The following GRM7 variants were observed in gnomAD, a reference collection of about 807,000 sequenced individuals.
The protein encoded by GRM7 is metabotropic glutamate receptor 7.
Under a neutral mutation model 84.5 loss-of-function variants are expected in GRM7, and 35 were observed. The observed-to-expected ratio is 0.41, with a 90% CI of 0.32 to 0.55. The LOEUF (loss-of-function observed/expected upper bound fraction) is 0.55, where lower values mean the gene tolerates loss of function less well. Among genes scored for constraint, GRM7 ranks in the 20% least tolerant of loss-of-function variants. The pLI is 0.19. For synonymous variants in GRM7, 487 were observed against 455.1 expected (o/e 1.07, Z -0.89); for missense variants, 1,003 against 1,194.6 (o/e 0.84, Z 2.36).
intron 7 of GRM7, among the ~76,000 whole-genome samples, chr3:7,540,380 A>G (rs564282952): frequency 2.4e-4 from 37 of 152,238 alleles, no homozygotes; most frequent in Non-Finnish European, 4.0e-4. Context: ...TATTCATTCA[A>G]TGAAATACTT....
chr3:7,205,186 G>T (rs935076157), intron 2 of GRM7, among the ~76,000 whole-genome samples: 1 of 152,166 alleles, frequency 6.6e-6, no homozygotes, highest in African/African-American at 2.4e-5. Context: ...GTCTGTAGAA[G>T]TTAACAGCAA....
In GRM7 at chr3:7,133,044, T is replaced by A. The variant is rs192301909; in HGVS notation, c.520-13408T>A. Among the ~76,000 whole-genome samples the A allele has an allele frequency of 3.8e-4, 58 of 152,256 alleles. 1 individual carries two copies. The Middle Eastern group carries it at 0.01, about 27-fold the overall frequency. On this transcript the variant is annotated intron_variant, in intron 1 of 9. Coordinates refer to ENST00000357716, the MANE Select transcript of GRM7 (RefSeq NM_000844.4). Reference sequence around the variant, plus strand: ...TTCATTCTGTCCTGGAAAAGTATCTTTTCACTTTAAGAAGTTCCTGGCTGT... The same window carrying A: ...TTCATTCTGTCCTGGAAAAGTATCTATTCACTTTAAGAAGTTCCTGGCTGT...
At chr3:7,072,682 G>C (rs929777465) in intron 1 of GRM7, among the ~76,000 whole-genome samples, 1 of 151,870 alleles carries the variant, frequency 6.6e-6, no homozygotes, top group Non-Finnish European at 1.5e-5. Context: ...CTGAGACCCT[G>C]TCTCAAAAAA....
intron 1 of GRM7, among the ~76,000 whole-genome samples, chr3:6,922,310 C>T (rs774282235): frequency 1.8e-4 from 27 of 152,194 alleles, no homozygotes; most frequent in Non-Finnish European, 3.4e-4. Flanking sequence ...TCTTATTTTT[C>T]CATTACCGAA....
chr3:7,104,663 A>G (rs1208625697), intron 1 of GRM7, among the ~76,000 whole-genome samples: 1 of 151,744 alleles, frequency 6.6e-6, no homozygotes, highest in Non-Finnish European at 1.5e-5. Flanking sequence ...CAAACATCTC[A>G]TATTGTTAGC....
At chr3:7,730,002 G>C (rs984742787) in intron 9 of GRM7, among the ~76,000 whole-genome samples, 2 of 149,184 alleles carry the variant, frequency 1.3e-5, no homozygotes, top group African/African-American at 2.5e-5. Context: ...AGTCTCCCAA[G>C]TAGCTGGGAT....
intron 8 of GRM7, among the ~76,000 whole-genome samples, chr3:7,651,037 G>T (rs1264252684): frequency 1.8e-5 from 2 of 112,402 alleles, no homozygotes; most frequent in East Asian, 2.0e-4. Flanking sequence ...GGGAAAGAAG[G>T]CAGCCTCTTT....
Position 7,604,135 on chromosome 3 carries a change from TAA to T in GRM7, c.2451+24791_2451+24792del, listed in dbSNP as rs34089815. Among the ~76,000 whole-genome samples, 901 of 146,408 alleles carry T rather than the reference TAA, an allele frequency of 6.2e-3. 7 individuals carry two copies. The highest frequency in any genetic ancestry group is 0.018 in the African/African-American group (735 of 39,860). On this transcript the variant is annotated intron_variant, in intron 8 of 9. Transcript: ENST00000357716. Reference sequence around the variant, plus strand: ...TAGATAACTTAGAAGGGTTTGTTCTTAAAAAAAAAAAAAAGCATAACTTTCCA... The same window carrying T: ...TAGATAACTTAGAAGGGTTTGTTCTTAAAAAAAAAAAAGCATAACTTTCCA...
At position 6,926,371 on chromosome 3, in the gene GRM7, TA is replaced by T. The variant is rs375278586; in HGVS notation, c.519+64466del. Among the ~76,000 whole-genome samples the T allele has an allele frequency of 2.0e-4, 31 of 152,358 alleles. 1 individual carries two copies. Among genetic ancestry groups the T allele is most frequent in the Middle Eastern group, 3.4e-3 (1 of 294 alleles). ...TTACCTAAATAGAAATATAGTGTTT[TA>T]ATCTTATGTTTTAAGACTGATTATA... On this transcript the variant is annotated intron_variant, in intron 1 of 9. Coordinates refer to ENST00000357716, the MANE Select transcript of GRM7 (RefSeq NM_000844.4).
chr3:7,288,378 G>T (rs552359938), intron 2 of GRM7, among the ~76,000 whole-genome samples: 1 of 152,202 alleles, frequency 6.6e-6, no homozygotes, highest in Admixed American at 6.5e-5. Context: ...GGAATGTGAT[G>T]CAGGAAAGAG....
chr3:6,888,675 A>G (rs1695805167), intron 1 of GRM7, among the ~76,000 whole-genome samples: 1 of 152,232 alleles, frequency 6.6e-6, no homozygotes, highest in East Asian at 1.9e-4. Flanking sequence ...TGATGCCTCC[A>G]GCTTTGTTCT....
chr3:6,968,293 A>C (rs1186056084), intron 1 of GRM7, among the ~76,000 whole-genome samples: 1 of 152,040 alleles, frequency 6.6e-6, no homozygotes, highest in Non-Finnish European at 1.5e-5. Context: ...TCTGTGTCGA[A>C]ATTTCTTCTT....
chr3:7,480,311 A>G (rs1699080242), intron 7 of GRM7, among the ~76,000 whole-genome samples: 1 of 152,212 alleles, frequency 6.6e-6, no homozygotes, highest in South Asian at 2.1e-4. Context: ...GCAGATTTAG[A>G]GCAATGTCTT....
chr3:7,693,454 G>T (rs1049049791), intron 9 of GRM7, among the ~76,000 whole-genome samples: 2 of 151,924 alleles, frequency 1.3e-5, no homozygotes, highest in African/African-American at 4.8e-5. Flanking sequence ...TTATCAGTCT[G>T]AGCTGAAAAT....
intron 1 of GRM7, among the ~76,000 whole-genome samples, chr3:7,017,009 C>T (rs1328745125): frequency 6.6e-6 from 1 of 152,194 alleles, no homozygotes; most frequent in Admixed American, 6.5e-5. Context: ...CACTCCAGGC[C>T]TCTTGAAGCA....
chr3:7,252,684 T>TTCTTTTCTTTTTTTCTTTTTTTTTTTTC (rs6147696), intron 2 of GRM7, among the ~76,000 whole-genome samples: 1 of 118,234 alleles, frequency 8.5e-6, no homozygotes, highest in Non-Finnish European at 1.7e-5. Flanking sequence ...TTCTTTTCTT[T>TTCTTTTCTTTTTTTCTTTTTTTTTTTTC]TTTTCTTTTC....
chr3:7,205,490 C>A lies in GRM7; in HGVS notation c.736+58822C>A, dbSNP rs1575029370. Among the ~76,000 whole-genome samples the A allele has an allele frequency of 3.9e-5, 6 of 152,202 alleles. No individual in the cohort carries two copies. The South Asian group carries it at 1.2e-3, about 31-fold the overall frequency. On this transcript the variant is annotated intron_variant, in intron 2 of 9. Transcript: ENST00000357716. ...AGCACATAATTCATTCAGAACCATACACCAAGTGTGATTATTAGGCTGTGC... is the reference window on the plus strand; with the variant it reads ...AGCACATAATTCATTCAGAACCATAAACCAAGTGTGATTATTAGGCTGTGC...
At chr3:7,468,632 A>G (rs1266025040) in intron 7 of GRM7, among the ~76,000 whole-genome samples, 5 of 152,162 alleles carry the variant, frequency 3.3e-5, no homozygotes, top group African/African-American at 9.7e-5. Context: ...CCCAAATCTC[A>G]TCTTAAATTA....
intron 8 of GRM7, among the ~76,000 whole-genome samples, chr3:7,599,474 A>C (rs1696210802): frequency 6.6e-6 from 1 of 152,096 alleles, no homozygotes; most frequent in Non-Finnish European, 1.5e-5. Flanking sequence ...TCCTCAAAAC[A>C]TTTGTATTCA....
Sources: gnomAD v4.1 joint callset for allele counts (sites outside exome capture counted in the v4.1 genomes callset) on GRCh38, gnomAD v4.1.1 for gene constraint, MANE v1.5 for transcripts, NCBI Gene and HGNC (gene_info 2026-07-23, HGNC 2026-07-21) for gene names.